Variants in TMPRSS9 observed in about 807,000 individuals in gnomAD.
TMPRSS9 encodes the protein transmembrane serine protease 9, also known as transmembrane protease serine 9.
TMPRSS9 carries 113 observed loss-of-function variants against 111.4 expected under a neutral mutation model. The ratio of observed to expected loss-of-function variants is 1.01; its 90% CI spans 0.87 to 1.19. The LOEUF (loss-of-function observed/expected upper bound fraction) is 1.19, where lower values mean the gene tolerates loss of function less well. TMPRSS9 is among the 50% of genes most tolerant of loss of function. The probability of loss-of-function intolerance (pLI) is 0.00; values close to 1 mark genes in which losing one functional copy is unlikely to be tolerated. For synonymous variants in TMPRSS9, 805 were observed against 659.1 expected (o/e 1.22, Z -3.39); for missense variants, 1,803 against 1,513.1 (o/e 1.19, Z -3.18).
intron 2 of TMPRSS9, among the ~76,000 whole-genome samples, chr19:2,398,572 T>A (rs541946794): frequency 4.8e-4 from 73 of 151,856 alleles, no homozygotes; most frequent in Non-Finnish European, 9.4e-4. Context: ...GAGTGGAGAA[T>A]GCACTACTGC....
At chr19:2,374,227 ATGC>A (rs1970312117) in intron 1 of TMPRSS9, among the ~76,000 whole-genome samples, 1 of 117,646 alleles carries the variant, frequency 8.5e-6, no homozygotes, top group Admixed American at 9.0e-5. Context: ...CATTAATTTC[ATGC>A]TGATTTCTCT....
intron 7 of TMPRSS9, among the ~76,000 whole-genome samples, chr19:2,407,237 G>T (rs1379111649): frequency 6.6e-6 from 1 of 151,832 alleles, no homozygotes; most frequent in Non-Finnish European, 1.5e-5. Context: ...ACTTGGACAG[G>T]CTATAGTGAG....
intron 1 of TMPRSS9, among the ~76,000 whole-genome samples, chr19:2,375,654 G>C (rs1422450719): frequency 6.6e-6 from 1 of 152,124 alleles, no homozygotes; most frequent in Non-Finnish European, 1.5e-5. Context: ...GTTCAGTATG[G>C]ACCAATCATC....
chr19:2,424,288 A>T, intron 15 of TMPRSS9, 31 bp downstream of exon 16: 3 of 1,329,008 alleles, frequency 2.3e-6, no homozygotes, highest in Non-Finnish European at 2.9e-6. Flanking sequence ...ATGCCCCTAC[A>T]TGTCTCTGTA....
intron 2 of TMPRSS9, 75 bp downstream of exon 3, chr19:2,396,741 G>A (rs981612237): frequency 9.2e-5 from 139 of 1,515,828 alleles, no homozygotes; most frequent in East Asian, 5.6e-4. Flanking sequence ...GGTGCTTTCC[G>A]TGTGGGAGGG....
intron 2 of TMPRSS9, among the ~76,000 whole-genome samples, chr19:2,397,637 C>T (rs182258996): frequency 4.9e-4 from 75 of 152,152 alleles, no homozygotes; most frequent in Non-Finnish European, 2.4e-4. Context: ...GCACTCCAGG[C>T]GGGCACGGTG....
chr19:2,377,301 G>A (rs777484359), intron 1 of TMPRSS9, among the ~76,000 whole-genome samples: 44 of 118,860 alleles, frequency 3.7e-4, no homozygotes, highest in Non-Finnish European at 6.2e-4. Context: ...ATATATGTAT[G>A]TATGTATGTA....
At chr19:2,390,808 G>A (rs1197410271) in intron 1 of TMPRSS9, among the ~76,000 whole-genome samples, 4 of 150,446 alleles carry the variant, frequency 2.7e-5, no homozygotes, top group South Asian at 2.1e-4. Context: ...AGCTGAGATC[G>A]CACCACTGCA....
intron 13 of TMPRSS9, 147 bp downstream of exon 14, chr19:2,418,285 T>C: frequency 3.0e-6 from 2 of 660,518 alleles, no homozygotes; most frequent in Non-Finnish European, 4.2e-6. Flanking sequence ...TCCTTTTCCT[T>C]TCCTCCTTTC....
At chr19:2,396,249 G>C in intron 1 of TMPRSS9, 3 of 318,416 alleles carry the variant, frequency 9.4e-6, no homozygotes, top group Non-Finnish European at 1.1e-5. Flanking sequence ...GGAAAACACG[G>C]GGGCATCTGG....
At chr19:2,381,260 G>A (rs1970382700) in intron 1 of TMPRSS9, among the ~76,000 whole-genome samples, 2 of 152,020 alleles carry the variant, frequency 1.3e-5, no homozygotes, top group Non-Finnish European at 2.9e-5. Flanking sequence ...AACCAATAAT[G>A]GTGATGACAA....
chr19:2,363,258 G>A (rs185322551), intron 1 of TMPRSS9, among the ~76,000 whole-genome samples: 1 of 152,316 alleles, frequency 6.6e-6, no homozygotes, highest in African/African-American at 2.4e-5. Flanking sequence ...AAAATACGGA[G>A]CTTGGAGAGT....
chr19:2,370,071 G>A (rs1216894466), intron 1 of TMPRSS9, among the ~76,000 whole-genome samples: 3 of 152,120 alleles, frequency 2.0e-5, no homozygotes, highest in African/African-American at 4.8e-5. Context: ...AGCCGGGCAT[G>A]ATGGCGGGCA....
At chr19:2,397,443 A>C (rs1003252631) in intron 2 of TMPRSS9, among the ~76,000 whole-genome samples, 4 of 152,004 alleles carry the variant, frequency 2.6e-5, no homozygotes, top group African/African-American at 9.7e-5. Flanking sequence ...GGCACCCACC[A>C]CCTAGGATGA....
chr19:2,362,348 G>T (rs946461540), intron 1 of TMPRSS9, among the ~76,000 whole-genome samples: 1 of 151,770 alleles, frequency 6.6e-6, no homozygotes, highest in Non-Finnish European at 1.5e-5. Flanking sequence ...GTGGTTGTGC[G>T]AGATTGTGTG....
At chr19:2,425,492 C>T (rs934637862) in exon 17 of TMPRSS9, 4 of 1,575,444 alleles carry the variant, frequency 2.5e-6, no homozygotes, top group African/African-American at 2.7e-5. Context: ...GACAGCTGCT[C>T]GGTGAGCCCC....
chr19:2,410,275 CT>C lies in TMPRSS9; in HGVS notation c.1136del (p.Leu379ArgfsTer62). 5 of 1,613,952 alleles carry C rather than the reference CT, an allele frequency of 3.1e-6. No individual in the cohort carries two copies. The highest frequency in any genetic ancestry group is 4.2e-6 in the Non-Finnish European group (5 of 1,179,972). On this transcript the variant is annotated frameshift_variant, in exon 9 of 18. Coordinates refer to ENST00000648592, the Ensembl canonical transcript of TMPRSS9. LOFTEE classifies it high-confidence loss of function. ...TCGGCCAGTGGTCAAGCCAGAGGTGCTGCAGAAAGCCACTGTGGAGCTGCTG... is the reference window on the plus strand; with the variant it reads ...TCGGCCAGTGGTCAAGCCAGAGGTGCGCAGAAAGCCACTGTGGAGCTGCTG...
chr19:2,379,512 G>A (rs1218327746), intron 1 of TMPRSS9, among the ~76,000 whole-genome samples: 1 of 151,872 alleles, frequency 6.6e-6, no homozygotes, highest in Non-Finnish European at 1.5e-5. Context: ...GTGGTGCACA[G>A]CAGCCTTCCA....
intron 6 of TMPRSS9, among the ~76,000 whole-genome samples, chr19:2,405,132 C>T (rs988554975): frequency 6.6e-6 from 1 of 152,198 alleles, no homozygotes; most frequent in East Asian, 1.9e-4. Context: ...AGACCTTTCT[C>T]TGCCACTCAC....
Sources: allele counts gnomAD v4.1 joint callset (sites outside exome capture counted in the v4.1 genomes callset), GRCh38; gene constraint gnomAD v4.1.1; transcripts MANE v1.5; gene names NCBI Gene and HGNC (gene_info 2026-07-23, HGNC 2026-07-21).